The following FSCN2 variants were observed in gnomAD, a reference collection of about 807,000 sequenced individuals.
The protein encoded by FSCN2 is fascin-2.
In FSCN2, 46 loss-of-function variants were observed where a neutral mutation model predicts 37.8. The ratio of observed to expected loss-of-function variants is 1.22; its 90% CI spans 0.96 to 1.56. The LOEUF (loss-of-function observed/expected upper bound fraction) is 1.56. Among genes scored for constraint, FSCN2 ranks in the 40% most tolerant of loss-of-function variants. FSCN2 has a pLI of 0.00. For missense variants in FSCN2, 844 were observed against 730.4 expected, an observed-to-expected ratio of 1.16 and a Z score of -1.79; for synonymous variants, 351 against 309.4, an observed-to-expected ratio of 1.13 and a Z score of -1.41.
chr17:81,529,452 G>C lies in FSCN2; in HGVS notation c.826+95G>C, dbSNP rs563804119. On this transcript the variant is annotated intron_variant, in intron 1 of 4. Coordinates refer to ENST00000417245, the MANE Select transcript of FSCN2 (RefSeq NM_012418.4). The stretch of plus-strand genomic sequence containing the variant: ...GGGGTCTCACGGGGAGTGGTATCGT[G>C]TCTGTGCGTTCACATGTCTGTTCTG... The C allele has an allele frequency of 5.3e-4, 517 of 976,806 alleles. 1 individual carries two copies. The highest frequency in any genetic ancestry group is 2.1e-3 in the Admixed American group (107 of 50,270). The allele number at this position is 976,806 out of a possible 1,614,324, so 60.5% of individuals were successfully genotyped here. A position where few individuals can be genotyped will look rare whatever the true frequency, so the allele number is the denominator to read the frequency against.
intron 1 of FSCN2, among the ~76,000 whole-genome samples, chr17:81,531,906 ATGG>A (rs1442634921): frequency 7.5e-6 from 1 of 133,706 alleles, no homozygotes; most frequent in African/African-American, 2.8e-5. Flanking sequence ...GGTGATAGTG[ATGG>A]TGATGATGGT....
At chr17:81,517,300 G>T in the FSCN2 span, among the ~76,000 whole-genome samples, 1 of 152,124 alleles carries the variant, frequency 6.6e-6, no homozygotes. Flanking sequence ...CCTGGGTTCT[G>T]GGCCCGGCTC....
At position 81,529,662 on chromosome 17, in the gene FSCN2, T is replaced by C. The variant is rs781867953; in HGVS notation, c.826+305T>C. On this transcript the variant is annotated intron_variant, in intron 1 of 4. Coordinates refer to ENST00000417245, the MANE Select transcript of FSCN2 (RefSeq NM_012418.4). The stretch of plus-strand genomic sequence containing the variant: ...CCTGGGCAGCTGCGGAGTCTGAGAC[T>C]GGAGAGGTGTGGGCCAGGCGATGGG... 1.4e-5 allele frequency: 9 copies of C among 625,820 alleles called. No homozygotes were observed. The East Asian group carries it at 3.1e-4, about 22-fold the overall frequency. The allele number at this position is 625,820 out of a possible 1,614,324, so 38.8% of individuals were successfully genotyped here.
chr17:81,520,982 C>T, the FSCN2 span, among the ~76,000 whole-genome samples: 5 of 151,928 alleles, frequency 3.3e-5, no homozygotes, highest in Non-Finnish European at 7.4e-5. Context: ...CTTTTTTAAA[C>T]CTTCTGGGAT....
Position 81,529,137 on chromosome 17 carries a change from G to A in FSCN2, c.606G>A (p.Trp202Ter), listed in dbSNP as rs1555670774. 8.2e-6 allele frequency: 13 copies of A among 1,584,438 alleles called. No homozygotes were observed. The highest frequency in any genetic ancestry group is 1.1e-5 in the Non-Finnish European group (13 of 1,166,868). The change falls in exon 1 of 5, where the codon TGG becomes TGA. Residue 202 changes from tryptophan (W) to a stop codon, truncating the protein, a stop_gained. Coordinates refer to ENST00000417245, the MANE Select transcript of FSCN2 (RefSeq NM_012418.4). LOFTEE classifies it high-confidence loss of function. ...TGCGCAGCGACGGCCGTCTGGTCTG[G>A]GAGCCTGAGCCCCGTGCCTGCTACA... Reference protein sequence around the residue: ...RYLRSDGRLVWEPEPRACYTL... With the variant: ...RYLRSDGRLV
rs561888081 is a variant in FSCN2, at chr17:81,536,323, G to A, written c.1105+56G>A. The stretch of plus-strand genomic sequence containing the variant: ...AGGGGCTGTCTCCACCCAGGGAAAG[G>A]ACCTGCCCAGACACCCCATCTCCAC... On this transcript the variant is annotated intron_variant, in intron 3 of 4. Transcript: ENST00000417245. 1.3e-4 allele frequency: 199 copies of A among 1,548,708 alleles called. No homozygotes were observed. The Middle Eastern group carries it at 2.6e-3, about 20-fold the overall frequency.
intron 1 of FSCN2, among the ~76,000 whole-genome samples, chr17:81,533,209 GT>G (rs1488271278): frequency 6.6e-6 from 1 of 152,166 alleles, no homozygotes; most frequent in East Asian, 1.9e-4. Context: ...TGGGAGGGGA[GT>G]GAGCACCCAG....
intron 1 of FSCN2, 63 bp downstream of exon 1, chr17:81,529,420 G>A (rs2032476192): frequency 2.4e-6 from 3 of 1,245,560 alleles, no homozygotes; most frequent in Non-Finnish European, 2.3e-6. Flanking sequence ...TCAGGGAGGA[G>A]GCCGTGGGGG....
chr17:81,523,310 C>A, the FSCN2 span, among the ~76,000 whole-genome samples: 1 of 152,390 alleles, frequency 6.6e-6, no homozygotes, highest in South Asian at 2.1e-4. Flanking sequence ...GCCCTGCCCC[C>A]TGCCTTGCCG....
chr17:81,531,678 A>ATGATGG (rs2032618811), intron 1 of FSCN2, among the ~76,000 whole-genome samples: 15 of 60,336 alleles, frequency 2.5e-4, no homozygotes, highest in African/African-American at 1.1e-3. Context: ...GATGGTGATG[A>ATGATGG]TGATGGTGAT....
intron 1 of FSCN2, among the ~76,000 whole-genome samples, chr17:81,532,554 ATGGTGG>A (rs1372400572): frequency 1.4e-5 from 2 of 138,236 alleles, no homozygotes; most frequent in Non-Finnish European, 3.1e-5. Context: ...GGTGATGGTG[ATGGTGG>A]TGATGGTGAT....
In FSCN2 at chr17:81,529,240, AC is replaced by A; in HGVS notation, c.712del (p.Leu238SerfsTer50). ...CCTGGCACCCGTGGGGCCCGCAGGC[AC>A]CCTCAAGGCCGGCCGAAACACGCGA... ...HYLAPVGPAG[T>X]LKAGRNTRPG... On this transcript the variant is annotated frameshift_variant, in exon 1 of 5. Coordinates refer to ENST00000417245, the MANE Select transcript of FSCN2 (RefSeq NM_012418.4). LOFTEE classifies it high-confidence loss of function. 1 of 1,599,380 alleles carries A rather than the reference AC, an allele frequency of 6.3e-7. No individual in the cohort carries two copies. Among genetic ancestry groups the A allele is most frequent in the Non-Finnish European group, 8.5e-7 (1 of 1,172,024 alleles).
At chr17:81,517,621 T>C in the FSCN2 span, among the ~76,000 whole-genome samples, 1 of 152,020 alleles carries the variant, frequency 6.6e-6, no homozygotes, top group South Asian at 2.1e-4. Flanking sequence ...CCCAGGCCCG[T>C]TTGTGACCCT....
Position 81,528,472 on chromosome 17 carries a change from G to A in FSCN2, c.-60G>A. The A allele has an allele frequency of 7.7e-7, 1 of 1,305,262 alleles. No homozygotes were observed. Among genetic ancestry groups the A allele is most frequent in the Non-Finnish European group, 1.1e-6 (1 of 937,750 alleles). 80.9% of individuals were successfully genotyped at this position (1,305,262 alleles called of 1,614,324 possible). A position where few individuals can be genotyped will look rare whatever the true frequency, so the allele number is the denominator to read the frequency against. On this transcript the variant is annotated 5_prime_UTR_variant, in exon 1 of 5. Coordinates refer to ENST00000417245, the MANE Select transcript of FSCN2 (RefSeq NM_012418.4). ...GACCCGGGCTTCTGGGGGACCGCGGGGGCCGTGAGCACTCAGAGGGCGCAT... is the reference window on the plus strand; with the variant it reads ...GACCCGGGCTTCTGGGGGACCGCGGAGGCCGTGAGCACTCAGAGGGCGCAT...
the FSCN2 span, among the ~76,000 whole-genome samples, chr17:81,516,716 C>A: frequency 1.3e-5 from 2 of 152,218 alleles, no homozygotes; most frequent in Non-Finnish European, 2.9e-5. Flanking sequence ...GGTTCTCCTG[C>A]CCCACTGCGC....
chr17:81,515,249 C>T, the FSCN2 span, among the ~76,000 whole-genome samples: 2 of 152,166 alleles, frequency 1.3e-5, no homozygotes, highest in East Asian at 1.9e-4. Context: ...TGGATATGCT[C>T]TGGGAAGCCA....
At chr17:81,533,857 G>A (rs1222604251) in intron 1 of FSCN2, among the ~76,000 whole-genome samples, 3 of 152,212 alleles carry the variant, frequency 2.0e-5, no homozygotes, top group Non-Finnish European at 4.4e-5. Context: ...GGCCTGGGAG[G>A]TGCAGTGGCG....
Position 81,535,175 on chromosome 17 carries a change from C to G in FSCN2, c.950C>G (p.Thr317Ser). ...ACTGGGGGCTACTGGACCCTGGTCA[C>G]CCATGGGGGCATTCACGCCACAGCC... is the stretch of plus-strand genomic sequence containing the variant. ...SSTGGYWTLV[T>S]HGGIHATATQ... The change falls in exon 2 of 5, where the codon ACC becomes AGC. Residue 317 changes from threonine to serine, a missense_variant. Coordinates refer to ENST00000417245, the MANE Select transcript of FSCN2 (RefSeq NM_012418.4). The G allele has an allele frequency of 2.0e-6, 3 of 1,533,388 alleles. No homozygotes were observed. The highest frequency in any genetic ancestry group is 2.6e-6 in the Non-Finnish European group (3 of 1,145,264). The allele number at this position is 1,533,388 out of a possible 1,614,324, so 95.0% of individuals were successfully genotyped here.
At chr17:81,525,425 CAAA>C (rs1202765459), upstream of FSCN2, among the ~76,000 whole-genome samples, 4 of 47,830 alleles carry the variant, frequency 8.4e-5, no homozygotes, top group Admixed American at 2.3e-4. Flanking sequence ...GACTCTGTCT[CAAA>C]AAAAAAAAAA....
Sources: allele counts gnomAD v4.1 joint callset (sites outside exome capture counted in the v4.1 genomes callset), GRCh38; gene constraint gnomAD v4.1.1; transcripts MANE v1.5; gene names NCBI Gene and HGNC (gene_info 2026-07-23, HGNC 2026-07-21).